Variants in GABRB1 observed in about 807,000 individuals in gnomAD.
The protein encoded by GABRB1 is gamma-aminobutyric acid type A receptor subunit beta1, also known as gamma-aminobutyric acid receptor subunit beta-1.
GABRB1 carries 17 observed loss-of-function variants against 51.6 expected under a neutral mutation model. That is an observed-to-expected ratio of 0.33 (90% CI 0.23 to 0.49). The LOEUF (loss-of-function observed/expected upper bound fraction) is 0.49. GABRB1 is among the 20% of genes least tolerant of loss of function. GABRB1 has a pLI of 0.99. For synonymous variants in GABRB1, 247 were observed against 218.9 expected (o/e 1.13, Z -1.14); for missense variants, 410 against 600.6 (o/e 0.68, Z 3.32).
intron 4 of GABRB1, among the ~76,000 whole-genome samples, chr4:47,264,160 CA>C (rs978577325): frequency 1.3e-5 from 2 of 151,690 alleles, no homozygotes; most frequent in Non-Finnish European, 2.9e-5. Flanking sequence ...AAGAAACAAA[CA>C]AAAAAACAAG....
intron 5 of GABRB1, among the ~76,000 whole-genome samples, chr4:47,392,525 T>G (rs1728034711): frequency 6.6e-6 from 1 of 152,108 alleles, no homozygotes; most frequent in African/African-American, 2.4e-5. Flanking sequence ...GTATTTTTAG[T>G]AGAGACAGGG....
rs562037725 is a variant in GABRB1 at position 47,031,573 on chromosome 4, G to C, written c.-79G>C. On this transcript the variant is annotated 5_prime_UTR_variant, in exon 1 of 9. Transcript: ENST00000295454. ...TCTGCGCATGCGCAGGTCCATTCGGGAATTACTGCCCAGCAGCCGACTAAG... is the reference window on the plus strand; with the variant it reads ...TCTGCGCATGCGCAGGTCCATTCGGCAATTACTGCCCAGCAGCCGACTAAG... 1.6e-6 allele frequency: 2 copies of C among 1,224,706 alleles called. No homozygotes were observed. Among genetic ancestry groups the C allele is most frequent in the Non-Finnish European group, 2.4e-6 (2 of 827,720 alleles). 75.9% of individuals were successfully genotyped at this position (1,224,706 alleles called of 1,614,324 possible).
intron 3 of GABRB1, among the ~76,000 whole-genome samples, chr4:47,040,193 G>C (rs1375661485): frequency 1.3e-5 from 2 of 152,186 alleles, no homozygotes; most frequent in Non-Finnish European, 2.9e-5. Flanking sequence ...CTATGCTGAG[G>C]AAATGGACCC....
intron 3 of GABRB1, among the ~76,000 whole-genome samples, chr4:47,148,627 T>C (rs1717283084): frequency 6.6e-6 from 1 of 151,906 alleles, no homozygotes. Context: ...AGAAAATTAT[T>C]CCACTCCCCA....
At chr4:47,296,554 G>A (rs1358505839) in intron 4 of GABRB1, among the ~76,000 whole-genome samples, 1 of 152,138 alleles carries the variant, frequency 6.6e-6, no homozygotes, top group Non-Finnish European at 1.5e-5. Context: ...AACAAGAAGA[G>A]CTAACTATCC....
intron 1 of GABRB1, among the ~76,000 whole-genome samples, chr4:47,024,505 A>T (rs1360456407): frequency 6.6e-6 from 1 of 151,970 alleles, no homozygotes; most frequent in Non-Finnish European, 1.5e-5. Flanking sequence ...ACCGAAGAAA[A>T]TATTTGTTGT....
At position 47,264,862 on chromosome 4, in the gene GABRB1, A is replaced by G. The variant is rs983449594; in HGVS notation, c.462-55265A>G. On this transcript the variant is annotated intron_variant, in intron 4 of 8. Coordinates refer to ENST00000295454, the MANE Select transcript of GABRB1 (RefSeq NM_000812.4). ...AACCACTGATCTGCTTTTTGTCACT[A>G]TAAATGAGTTTGCATTTTCTAGAAT... Among the ~76,000 whole-genome samples, 50 of 152,180 alleles carry G rather than the reference A, an allele frequency of 3.3e-4. 1 individual carries two copies. Among genetic ancestry groups the G allele is most frequent in the Admixed American group, 2.8e-3 (43 of 15,272 alleles).
intron 3 of GABRB1, among the ~76,000 whole-genome samples, chr4:47,105,189 C>T (rs1449369975): frequency 6.6e-6 from 1 of 152,078 alleles, no homozygotes; most frequent in Non-Finnish European, 1.5e-5. Context: ...TTTGTCTAGT[C>T]TTACCTCACA....
At chr4:47,027,077 T>G (rs2109458905), upstream of GABRB1, among the ~76,000 whole-genome samples, 1 of 151,800 alleles carries the variant, frequency 6.6e-6, no homozygotes, top group African/African-American at 2.4e-5. Context: ...ATAAGCCTAT[T>G]AAAATGTTAA....
At chr4:47,147,702 GT>G (rs758582117) in intron 3 of GABRB1, among the ~76,000 whole-genome samples, 5 of 152,074 alleles carry the variant, frequency 3.3e-5, no homozygotes, top group Non-Finnish European at 5.9e-5. Flanking sequence ...TCTAAGGCCT[GT>G]TCAATACGAT....
chr4:47,227,463 G>A (rs1295722646), intron 4 of GABRB1, among the ~76,000 whole-genome samples: 1 of 152,126 alleles, frequency 6.6e-6, no homozygotes, highest in African/African-American at 2.4e-5. Context: ...TTATTGAGGT[G>A]CTATCAGAAA....
intron 3 of GABRB1, among the ~76,000 whole-genome samples, chr4:47,157,757 T>C (rs1323728459): frequency 6.6e-6 from 1 of 152,068 alleles, no homozygotes; most frequent in African/African-American, 2.4e-5. Context: ...ATCACAATTA[T>C]TATTATCTTC....
chr4:47,050,446 C>T lies in GABRB1; in HGVS notation c.240+17962C>T, dbSNP rs995221128. 2.6e-5 allele frequency among the ~76,000 whole-genome samples: 4 copies of T among 151,618 alleles called. No homozygotes were observed. In the East Asian group the frequency reaches 7.7e-4, roughly 29 times the overall value. On this transcript the variant is annotated intron_variant, in intron 3 of 8. Coordinates refer to ENST00000295454, the MANE Select transcript of GABRB1 (RefSeq NM_000812.4). Reference sequence around the variant, plus strand: ...GTATATACGTATATATATATACATACATATATTTTTTTTAAGAGCTGCTTG... The same window carrying T: ...GTATATACGTATATATATATACATATATATATTTTTTTTAAGAGCTGCTTG...
At chr4:47,152,051 T>C (rs566702152) in intron 3 of GABRB1, among the ~76,000 whole-genome samples, 9 of 152,106 alleles carry the variant, frequency 5.9e-5, no homozygotes, top group Non-Finnish European at 1.2e-4. Flanking sequence ...TTTTGCCATA[T>C]GCTTTTGTCA....
At chr4:47,408,634 A>G (rs139395399) in intron 8 of GABRB1, among the ~76,000 whole-genome samples, 22 of 152,286 alleles carry the variant, frequency 1.4e-4, no homozygotes, top group African/African-American at 4.8e-4. Context: ...AGAATATTAT[A>G]CTCATATGAG....
intron 3 of GABRB1, among the ~76,000 whole-genome samples, chr4:47,160,877 C>T (rs1282980339): frequency 6.6e-6 from 1 of 151,922 alleles, no homozygotes. Context: ...GCCTCAGTCT[C>T]CTGGGCACAA....
At chr4:47,248,437 A>G (rs1391618436) in intron 4 of GABRB1, among the ~76,000 whole-genome samples, 1 of 151,930 alleles carries the variant, frequency 6.6e-6, no homozygotes, top group Non-Finnish European at 1.5e-5. Flanking sequence ...TTTGTTAAGG[A>G]TTTTAGCATC....
chr4:47,140,024 A>C (rs1716855820), intron 3 of GABRB1, among the ~76,000 whole-genome samples: 1 of 151,916 alleles, frequency 6.6e-6, no homozygotes, highest in Non-Finnish European at 1.5e-5. Flanking sequence ...ATGGAAACAC[A>C]GGTTGTGTGA....
intron 4 of GABRB1, among the ~76,000 whole-genome samples, chr4:47,269,388 C>G (rs755433990): frequency 2.0e-4 from 30 of 152,108 alleles, no homozygotes; most frequent in Non-Finnish European, 4.0e-4. Context: ...TTTAACAAAA[C>G]AGAAAACAGA....
Sources: gnomAD v4.1 joint callset for allele counts (sites outside exome capture counted in the v4.1 genomes callset) on GRCh38, gnomAD v4.1.1 for gene constraint, MANE v1.5 for transcripts, NCBI Gene and HGNC (gene_info 2026-07-23, HGNC 2026-07-21) for gene names.